Variants in SKAP1 observed in about 807,000 individuals in gnomAD.
SKAP1 encodes the protein src kinase associated phosphoprotein 1, also known as src kinase-associated phosphoprotein 1.
A neutral mutation model predicts 58.5 loss-of-function variants in SKAP1; 44 were observed. The observed-to-expected ratio is 0.75, with a 90% CI of 0.59 to 0.97. The LOEUF is 0.97. SKAP1 is among the 50% of genes least tolerant of loss of function. The pLI is 0.00. For synonymous variants in SKAP1, 127 were observed against 149.7 expected (o/e 0.85, Z 1.11); for missense variants, 390 against 435.2 (o/e 0.90, Z 0.92).
chr17:48,238,986 G>A (rs2065213414), intron 4 of SKAP1, among the ~76,000 whole-genome samples: 1 of 152,188 alleles, frequency 6.6e-6, no homozygotes, highest in African/African-American at 2.4e-5. Flanking sequence ...CTATGAAGAT[G>A]TAGAGACAGG....
chr17:48,263,179 T>C lies in SKAP1; in HGVS notation c.281-73679A>G, dbSNP rs1454247619. 3.3e-5 allele frequency among the ~76,000 whole-genome samples: 5 copies of C among 152,216 alleles called. No homozygotes were observed. In the East Asian group the frequency reaches 9.6e-4, roughly 29 times the overall value. ...CTTCAGTAAACAAAGTGAGAGCTTG[T>C]CATTAACTACCAGCAGGTGGTGGTA... On this transcript the variant is annotated intron_variant, in intron 4 of 12. Transcript: ENST00000336915.
chr17:48,171,355 C>T (rs1198725782), intron 9 of SKAP1, among the ~76,000 whole-genome samples: 4 of 152,078 alleles, frequency 2.6e-5, no homozygotes, highest in Admixed American at 2.0e-4. Context: ...ATCCGCCCAC[C>T]TTGGCCTCCC....
chr17:48,240,649 G>C (rs1598460167), intron 4 of SKAP1, among the ~76,000 whole-genome samples: 1 of 152,026 alleles, frequency 6.6e-6, no homozygotes, highest in African/African-American at 2.4e-5. Flanking sequence ...CTTCACACAT[G>C]GGCAATATAT....
chr17:48,411,509 G>A (rs1208941038), intron 1 of SKAP1, among the ~76,000 whole-genome samples: 1 of 152,128 alleles, frequency 6.6e-6, no homozygotes, highest in Non-Finnish European at 1.5e-5. Flanking sequence ...CTCTAAAGTG[G>A]GGGAGCATAA....
At position 48,151,688 on chromosome 17, in the gene SKAP1, C is replaced by T. The variant is rs113215648; in HGVS notation, c.978+10781G>A. On this transcript the variant is annotated intron_variant, in intron 11 of 12. Coordinates refer to ENST00000336915, the MANE Select transcript of SKAP1 (RefSeq NM_003726.4). ...TCTCCTTTGTTTAATAGTTAGAAAC[C>T]AATTTTATTAAAAAACGGTAAAGTT... Among the ~76,000 whole-genome samples, 505 of 152,190 alleles carry T rather than the reference C, an allele frequency of 3.3e-3. 7 individuals are homozygous for T. The highest frequency in any genetic ancestry group is 0.012 in the African/African-American group (493 of 41,522).
chr17:48,419,741 A>G (rs561793779), intron 1 of SKAP1, among the ~76,000 whole-genome samples: 1 of 152,258 alleles, frequency 6.6e-6, no homozygotes, highest in Non-Finnish European at 1.5e-5. Context: ...TATTGGTTTA[A>G]CTAAGCACAA....
Position 48,184,836 on chromosome 17 carries a change from T to A in SKAP1, c.454A>T (p.Lys152Ter). Residue 152 changes from lysine to a stop codon, truncating the protein, a stop_gained, in exon 7 of 13, where the codon AAA (lysine) becomes TAA (stop). Transcript: ENST00000336915. LOFTEE classifies it high-confidence loss of function. ...TAGCCCTTAATGAGGAAGGTCCCTT[T>A]GGGCTGCTTGCCTGCAAGACAGGAA... ...YYANEKSKQPKGTFLIKGYGV... is the reference protein window; with the variant it reads ...YYANEKSKQP 6.2e-7 allele frequency: 1 copy of A among 1,613,438 alleles called. No homozygotes were observed. Among genetic ancestry groups the A allele is most frequent in the Non-Finnish European group, 8.5e-7 (1 of 1,179,650 alleles).
chr17:48,322,516 T>C (rs1268625588), intron 4 of SKAP1, among the ~76,000 whole-genome samples: 1 of 152,226 alleles, frequency 6.6e-6, no homozygotes, highest in Admixed American at 6.5e-5. Flanking sequence ...TATTGATTGT[T>C]GCCATGGGTA....
intron 4 of SKAP1, chr17:48,248,867 C>T (rs2065328501): frequency 6.6e-6 from 1 of 151,968 alleles, no homozygotes; most frequent in Admixed American, 6.6e-5. Context: ...AAAAAAAAAT[C>T]ATGTTATGTC....
chr17:48,209,527 C>T (rs8077814), intron 4 of SKAP1, among the ~76,000 whole-genome samples: 126,520 of 152,216 alleles, frequency 0.83, 52,642 homozygotes, highest in East Asian at 0.95. Context: ...TGTGCTGTAA[C>T]AGGGGAATGA....
intron 3 of SKAP1, among the ~76,000 whole-genome samples, chr17:48,351,783 C>A (rs1023278705): frequency 1.3e-5 from 2 of 152,026 alleles, no homozygotes; most frequent in African/African-American, 4.8e-5. Context: ...TAAATAATCA[C>A]AAATGGAGCC....
At chr17:48,291,549 G>A (rs1182229894) in intron 4 of SKAP1, among the ~76,000 whole-genome samples, 2 of 152,220 alleles carry the variant, frequency 1.3e-5, no homozygotes, top group Admixed American at 6.5e-5. Flanking sequence ...TGAGCAGGAT[G>A]CAAGAACATC....
intron 1 of SKAP1, among the ~76,000 whole-genome samples, chr17:48,397,597 A>T (rs867141482): frequency 6.6e-6 from 1 of 152,244 alleles, no homozygotes; most frequent in South Asian, 2.1e-4. Flanking sequence ...TAGAAGCTAG[A>T]AAGAAATACC....
At chr17:48,265,364 G>T (rs1023750085) in intron 4 of SKAP1, among the ~76,000 whole-genome samples, 1 of 152,088 alleles carries the variant, frequency 6.6e-6, no homozygotes, top group Non-Finnish European at 1.5e-5. Flanking sequence ...AATTAGCCCG[G>T]CATGGTAGCA....
At chr17:48,421,462 C>T (rs1440881223) in intron 1 of SKAP1, among the ~76,000 whole-genome samples, 1 of 152,014 alleles carries the variant, frequency 6.6e-6, no homozygotes, top group African/African-American at 2.4e-5. Context: ...TGCCACCATA[C>T]CTGGATAATT....
chr17:48,439,555 T>C, the SKAP1 span, among the ~76,000 whole-genome samples: 1 of 152,226 alleles, frequency 6.6e-6, no homozygotes, highest in Non-Finnish European at 1.5e-5. Flanking sequence ...TCTGGTGTTA[T>C]TTACCTCTTC....
At chr17:48,265,327 A>G (rs1425119744) in intron 4 of SKAP1, among the ~76,000 whole-genome samples, 2 of 152,086 alleles carry the variant, frequency 1.3e-5, no homozygotes, top group Non-Finnish European at 2.9e-5. Context: ...AACATGGTGA[A>G]ACCCCATTTC....
intron 4 of SKAP1, among the ~76,000 whole-genome samples, chr17:48,214,627 T>TC (rs1222835485): frequency 2.6e-5 from 4 of 151,580 alleles, no homozygotes; most frequent in East Asian, 3.9e-4. Context: ...TTTTTTTTTT[T>TC]TCTCTTTTTC....
At chr17:48,138,661 C>T (rs1309086609) in intron 11 of SKAP1, among the ~76,000 whole-genome samples, 7 of 151,492 alleles carry the variant, frequency 4.6e-5, no homozygotes, top group East Asian at 1.9e-4. Flanking sequence ...TGAGCCACTG[C>T]GCCTGGCCAC....
Sources: allele counts gnomAD v4.1 joint callset (sites outside exome capture counted in the v4.1 genomes callset), GRCh38; gene constraint gnomAD v4.1.1; transcripts MANE v1.5; gene names NCBI Gene and HGNC (gene_info 2026-07-23, HGNC 2026-07-21).